The following RIMS2 variants were observed in gnomAD, a reference collection of about 807,000 sequenced individuals.
RIMS2 encodes the protein regulating synaptic membrane exocytosis 2, also known as regulating synaptic membrane exocytosis protein 2.
Under a neutral mutation model 174.4 loss-of-function variants are expected in RIMS2, and 59 were observed. The observed-to-expected ratio is 0.34, with a 90% CI of 0.27 to 0.42. RIMS2 has a LOEUF of 0.42. Ranked by LOEUF, RIMS2 falls within the 10% of genes least tolerant of loss-of-function variation. RIMS2 has a pLI of 1.00. For missense variants in RIMS2, 1,620 were observed against 1,666.3 expected, an observed-to-expected ratio of 0.97 and a Z score of 0.48; for synonymous variants, 606 against 572.5, an observed-to-expected ratio of 1.06 and a Z score of -0.84.
chr8:104,094,359 T>A (rs2097716457), intron 19 of RIMS2: 2 of 550,200 alleles, frequency 3.6e-6, no homozygotes, highest in East Asian at 5.7e-5. Flanking sequence ...AAGATATAAT[T>A]TTTACTTATG....
At chr8:103,981,880 A>T (rs1231179621) in intron 16 of RIMS2, among the ~76,000 whole-genome samples, 2 of 152,194 alleles carry the variant, frequency 1.3e-5, no homozygotes, top group African/African-American at 4.8e-5. Flanking sequence ...CACCTACAAG[A>T]TCTAAAAAAC....
intron 19 of RIMS2, among the ~76,000 whole-genome samples, chr8:104,208,335 AG>A (rs571634068): frequency 1.1e-4 from 17 of 152,188 alleles, no homozygotes; most frequent in Non-Finnish European, 1.9e-4. Context: ...TGGGAGGCCG[AG>A]GGGGGCAGAT....
intron 3 of RIMS2, among the ~76,000 whole-genome samples, chr8:103,833,068 A>C (rs1463047674): frequency 6.6e-6 from 1 of 152,172 alleles, no homozygotes; most frequent in African/African-American, 2.4e-5. Flanking sequence ...TATTTACCTG[A>C]AAAAATCTTT....
chr8:103,599,333 G>T (rs576705727), intron 1 of RIMS2, among the ~76,000 whole-genome samples: 1 of 150,562 alleles, frequency 6.6e-6, no homozygotes, highest in African/African-American at 2.4e-5. Context: ...CAAGTAGTTA[G>T]TGATGAAATC....
chr8:104,064,084 C>G (rs2154560776), intron 19 of RIMS2, among the ~76,000 whole-genome samples: 1 of 152,254 alleles, frequency 6.6e-6, no homozygotes, highest in East Asian at 1.9e-4. Context: ...AAAAATTCAT[C>G]TAGAAGTTAA....
chr8:103,927,730 T>G, intron 10 of RIMS2: 2 of 702,914 alleles, frequency 2.8e-6, no homozygotes, highest in Non-Finnish European at 5.0e-6. Flanking sequence ...ATGGAAAAAT[T>G]GTATTTAAGG....
At chr8:103,778,324 A>G (rs1257014066) in intron 3 of RIMS2, among the ~76,000 whole-genome samples, 1 of 152,080 alleles carries the variant, frequency 6.6e-6, no homozygotes, top group Admixed American at 6.6e-5. Context: ...GTTAACTAGT[A>G]TCATCCTACT....
chr8:103,832,272 T>C (rs2154480008), intron 3 of RIMS2, among the ~76,000 whole-genome samples: 1 of 152,326 alleles, frequency 6.6e-6, no homozygotes, highest in South Asian at 2.1e-4. Flanking sequence ...ACATTTAATA[T>C]AATTATTGAT....
chr8:103,993,929 T>A (rs545409590), intron 17 of RIMS2, among the ~76,000 whole-genome samples: 1 of 151,664 alleles, frequency 6.6e-6, no homozygotes, highest in African/African-American at 2.4e-5. Flanking sequence ...ACCTTTTTTT[T>A]ATTCCAGCTA....
intron 12 of RIMS2, among the ~76,000 whole-genome samples, chr8:103,933,779 T>A (rs548800703): frequency 6.6e-6 from 1 of 152,326 alleles, no homozygotes; most frequent in East Asian, 1.9e-4. Flanking sequence ...ATCTTAACAA[T>A]TTTTTATTTG....
chr8:104,015,434 CAAG>C, intron 19 of RIMS2: 2 of 708,496 alleles, frequency 2.8e-6, no homozygotes, highest in Non-Finnish European at 2.6e-6. Flanking sequence ...ACAATGGAGT[CAAG>C]GAGATAGAAC....
chr8:103,636,417 A>G (rs374097578), intron 1 of RIMS2, among the ~76,000 whole-genome samples: 10 of 152,100 alleles, frequency 6.6e-5, no homozygotes, highest in African/African-American at 1.9e-4. Context: ...TCTTTTTGTC[A>G]GACTGAAGGC....
At chr8:104,226,585 A>G (rs1004442705) in intron 19 of RIMS2, among the ~76,000 whole-genome samples, 4 of 152,226 alleles carry the variant, frequency 2.6e-5, no homozygotes, top group African/African-American at 9.6e-5. Context: ...ATAAGTAGAC[A>G]TTAATAGAAA....
rs150842247 is a variant in RIMS2 at position 103,687,844 on chromosome 8, T to C, written c.177-9242T>C. On this transcript the variant is annotated intron_variant, in intron 1 of 23. Transcript: ENST00000504942. Reference sequence around the variant, plus strand: ...TGTTGTAACAAATGACAGGACTTCTTTCTTTTTTATAGCTGAATAGTGTTC... The same window carrying C: ...TGTTGTAACAAATGACAGGACTTCTCTCTTTTTTATAGCTGAATAGTGTTC... Among the ~76,000 whole-genome samples the C allele has an allele frequency of 2.6e-3, 392 of 152,058 alleles. 2 individuals carry two copies. The highest frequency in any genetic ancestry group is 4.6e-3 in the South Asian group (22 of 4,816).
chr8:104,182,525 C>G (rs79643826), intron 19 of RIMS2, among the ~76,000 whole-genome samples: 1 of 151,664 alleles, frequency 6.6e-6, no homozygotes, highest in Non-Finnish European at 1.5e-5. Flanking sequence ...ATTCCTCCCC[C>G]TCCTCATTTC....
At chr8:103,829,341 C>T (rs1427287632) in intron 3 of RIMS2, among the ~76,000 whole-genome samples, 1 of 152,078 alleles carries the variant, frequency 6.6e-6, no homozygotes, top group East Asian at 1.9e-4. Flanking sequence ...GGAGATTTCT[C>T]AACCCAGCAA....
chr8:103,910,840 A>G (rs2075532783), intron 5 of RIMS2, among the ~76,000 whole-genome samples: 1 of 152,242 alleles, frequency 6.6e-6, no homozygotes, highest in African/African-American at 2.4e-5. Context: ...ATTAAAAACC[A>G]CAAATAATAA....
chr8:103,523,759 G>T (rs954181130), intron 1 of RIMS2, among the ~76,000 whole-genome samples: 75 of 151,998 alleles, frequency 4.9e-4, no homozygotes, highest in African/African-American at 1.7e-3. Flanking sequence ...TGTCTCCCAA[G>T]ACTTGTGATT....
At chr8:103,845,050 A>G (rs2098960512) in intron 3 of RIMS2, among the ~76,000 whole-genome samples, 1 of 152,038 alleles carries the variant, frequency 6.6e-6, no homozygotes, top group Non-Finnish European at 1.5e-5. Flanking sequence ...TATTTCTGTC[A>G]AGTCTTTGTT....
Sources: gnomAD v4.1 joint callset for allele counts (sites outside exome capture counted in the v4.1 genomes callset) on GRCh38, gnomAD v4.1.1 for gene constraint, MANE v1.5 for transcripts, NCBI Gene and HGNC (gene_info 2026-07-23, HGNC 2026-07-21) for gene names.